Variants in MACROD2 observed in about 807,000 individuals in gnomAD.
The protein encoded by MACROD2 is mono-ADP ribosylhydrolase 2.
A neutral mutation model predicts 70.4 loss-of-function variants in MACROD2; 36 were observed. That is an observed-to-expected ratio of 0.51 (90% CI 0.39 to 0.68). MACROD2 has a LOEUF of 0.68. Ranked by LOEUF, MACROD2 falls within the 30% of genes least tolerant of loss-of-function variation. MACROD2 has a pLI of 0.00. For synonymous variants in MACROD2, 172 were observed against 178.8 expected (o/e 0.96, Z 0.30); for missense variants, 496 against 538.4 (o/e 0.92, Z 0.78).
chr20:15,669,244 G>T (rs564726584), intron 8 of MACROD2, among the ~76,000 whole-genome samples: 1 of 152,188 alleles, frequency 6.6e-6, no homozygotes, highest in Non-Finnish European at 1.5e-5. Context: ...TGACAACATT[G>T]TTTGCTGCAT....
At chr20:15,573,353 C>T (rs2048400570) in intron 8 of MACROD2, among the ~76,000 whole-genome samples, 1 of 152,068 alleles carries the variant, frequency 6.6e-6, no homozygotes, top group South Asian at 2.1e-4. Context: ...AAAGCAAGTT[C>T]ATTGTAAGAA....
intron 2 of MACROD2, among the ~76,000 whole-genome samples, chr20:14,025,969 G>A (rs532834592): frequency 6.6e-6 from 1 of 152,266 alleles, no homozygotes; most frequent in South Asian, 2.1e-4. Flanking sequence ...CTATTACTGT[G>A]TGGGAGTCTA....
chr20:14,688,778 G>C lies in MACROD2; in HGVS notation c.418+3819G>C, dbSNP rs560875211. Among the ~76,000 whole-genome samples, 171 of 152,218 alleles carry C rather than the reference G, an allele frequency of 1.1e-3. 1 individual carries two copies. The highest frequency in any genetic ancestry group is 3.9e-3 in the African/African-American group (164 of 41,546). On this transcript the variant is annotated intron_variant, in intron 5 of 17. Transcript: ENST00000684519. Reference sequence around the variant, plus strand: ...AGTCAGCTTCACATAGGCAAGATTTGTCTATCTCAGTCAGTTCCAATGTCA... The same window carrying C: ...AGTCAGCTTCACATAGGCAAGATTTCTCTATCTCAGTCAGTTCCAATGTCA...
Position 14,008,881 on chromosome 20 carries a change from T to C in MACROD2, c.163+6477T>C, listed in dbSNP as rs543412221. Reference sequence around the variant, plus strand: ...AACAAGCAATGGAGAAAGGATTCTCTATTTAATAAATGGTGCTGGGAAAAC... The same window carrying C: ...AACAAGCAATGGAGAAAGGATTCTCCATTTAATAAATGGTGCTGGGAAAAC... On this transcript the variant is annotated intron_variant, in intron 2 of 17. Coordinates refer to ENST00000684519, the MANE Select transcript of MACROD2 (RefSeq NM_001351661.2). Among the ~76,000 whole-genome samples the C allele has an allele frequency of 4.6e-5, 7 of 152,354 alleles. No individual in the cohort carries two copies. The South Asian group carries it at 1.0e-3, about 23-fold the overall frequency.
chr20:15,450,088 C>T (rs1040433133), intron 7 of MACROD2, among the ~76,000 whole-genome samples: 8 of 152,080 alleles, frequency 5.3e-5, no homozygotes, highest in Non-Finnish European at 1.5e-5. Context: ...ACACACCATA[C>T]AGGTATACAT....
chr20:14,086,244 A>T, intron 3 of MACROD2: 1 of 365,246 alleles, frequency 2.7e-6, no homozygotes, highest in Non-Finnish European at 5.5e-6. Flanking sequence ...AGCATATTTT[A>T]ATTATTTTTA....
intron 3 of MACROD2, among the ~76,000 whole-genome samples, chr20:14,155,358 C>T (rs1380182018): frequency 3.9e-5 from 6 of 152,024 alleles, no homozygotes; most frequent in South Asian, 2.1e-4. Context: ...TTTTATAAGT[C>T]GTATCTTTTC....
chr20:15,567,903 G>A lies in MACROD2; in HGVS notation c.645+68056G>A, dbSNP rs557166603. On this transcript the variant is annotated intron_variant, in intron 8 of 17. Coordinates refer to ENST00000684519, the MANE Select transcript of MACROD2 (RefSeq NM_001351661.2). The stretch of plus-strand genomic sequence containing the variant: ...AAGAAGCTGGAAATTCAGATTTTTT[G>A]TTGGTGAAATCTCCTGAATCTTAAA... 8.5e-5 allele frequency among the ~76,000 whole-genome samples: 13 copies of A among 152,300 alleles called. No individual in the cohort carries two copies. In the East Asian group the frequency reaches 2.3e-3, roughly 27 times the overall value.
intron 3 of MACROD2, among the ~76,000 whole-genome samples, chr20:14,465,706 G>A (rs1006373511): frequency 1.6e-4 from 24 of 152,024 alleles, no homozygotes; most frequent in Non-Finnish European, 2.6e-4. Flanking sequence ...GCTTCCTTCG[G>A]GAGCTCTTTT....
chr20:14,661,342 A>G (rs113177468), intron 4 of MACROD2, among the ~76,000 whole-genome samples: 17 of 152,104 alleles, frequency 1.1e-4, no homozygotes, highest in African/African-American at 4.1e-4. Flanking sequence ...TGCCACTTAT[A>G]TGTCTCCTTT....
At chr20:14,779,490 GCAGGCTGGCAACAC>G (rs2072273532) in intron 5 of MACROD2, among the ~76,000 whole-genome samples, 2 of 151,870 alleles carry the variant, frequency 1.3e-5, no homozygotes, top group Non-Finnish European at 2.9e-5. Flanking sequence ...AGCATTCACA[GCAGGCTGGCAACAC>G]CAGGCATTCA....
rs1300051108 is a variant in MACROD2, at chr20:14,798,901, A to G, written c.418+113942A>G. Among the ~76,000 whole-genome samples the G allele has an allele frequency of 8.6e-5, 13 of 152,038 alleles. 1 individual carries two copies. Among genetic ancestry groups the G allele is most frequent in the African/African-American group, 3.1e-4 (13 of 41,386 alleles). The stretch of plus-strand genomic sequence containing the variant: ...AAAAACTATCATATTCAGATTTTGT[A>G]TGATGCAAGAATGTGATAATATAAA... On this transcript the variant is annotated intron_variant, in intron 5 of 17. Coordinates refer to ENST00000684519, the MANE Select transcript of MACROD2 (RefSeq NM_001351661.2).
intron 4 of MACROD2, among the ~76,000 whole-genome samples, chr20:14,653,333 G>C (rs984646244): frequency 1.3e-5 from 2 of 150,868 alleles, no homozygotes; most frequent in Admixed American, 6.6e-5. Context: ...ATTCTCCTGC[G>C]TCAGCGTCCT....
At chr20:15,670,697 G>A (rs965345722) in intron 8 of MACROD2, among the ~76,000 whole-genome samples, 2 of 152,122 alleles carry the variant, frequency 1.3e-5, no homozygotes, top group Non-Finnish European at 2.9e-5. Context: ...CTAGGGCAGC[G>A]ACCTCAAATT....
chr20:14,929,700 C>CA (rs2074274548), intron 5 of MACROD2, among the ~76,000 whole-genome samples: 1 of 152,008 alleles, frequency 6.6e-6, no homozygotes, highest in Non-Finnish European at 1.5e-5. Flanking sequence ...AAGGGGCTCC[C>CA]ATCCTCTGAG....
intron 8 of MACROD2, among the ~76,000 whole-genome samples, chr20:15,817,136 A>G (rs1568577206): frequency 1.3e-5 from 2 of 152,220 alleles, no homozygotes; most frequent in South Asian, 2.1e-4. Context: ...CTGGTTATCC[A>G]TACTGTACAC....
chr20:14,152,482 A>G (rs952449752), intron 3 of MACROD2, among the ~76,000 whole-genome samples: 3 of 146,432 alleles, frequency 2.0e-5, no homozygotes, highest in Non-Finnish European at 4.5e-5. Flanking sequence ...GCTGGAGTGC[A>G]GTGGCATGAT....
intron 3 of MACROD2, among the ~76,000 whole-genome samples, chr20:14,306,719 T>A (rs2082523836): frequency 6.6e-6 from 1 of 151,998 alleles, no homozygotes; most frequent in Non-Finnish European, 1.5e-5. Context: ...GCTAGGATCT[T>A]AAAAATAGAG....
intron 7 of MACROD2, among the ~76,000 whole-genome samples, chr20:15,460,308 C>T (rs1359679879): frequency 4.6e-5 from 7 of 152,174 alleles, no homozygotes; most frequent in Non-Finnish European, 7.4e-5. Flanking sequence ...CAATTGGCAA[C>T]ATCCTTCACC....
Sources: gnomAD v4.1 joint callset for allele counts (sites outside exome capture counted in the v4.1 genomes callset) on GRCh38, gnomAD v4.1.1 for gene constraint, MANE v1.5 for transcripts, NCBI Gene and HGNC (gene_info 2026-07-23, HGNC 2026-07-21) for gene names.